Variants in ZC3H18 observed in about 807,000 individuals in gnomAD.
ZC3H18 encodes the protein zinc finger CCCH-type containing 18.
ZC3H18 carries 8 observed loss-of-function variants against 106.1 expected under a neutral mutation model. That is an observed-to-expected ratio of 0.08 (90% CI 0.04 to 0.14). The LOEUF is 0.14. Ranked by LOEUF, ZC3H18 falls within the 10% of genes least tolerant of loss-of-function variation. ZC3H18 has a pLI of 1.00. For synonymous variants in ZC3H18, 635 were observed against 522.1 expected (o/e 1.22, Z -2.95); for missense variants, 1,318 against 1,278.4 (o/e 1.03, Z -0.47).
At chr16:88,598,573 C>G in intron 4 of ZC3H18, 47 bp from the exon 5 acceptor site, 2 of 1,559,432 alleles carry the variant, frequency 1.3e-6, no homozygotes, top group Non-Finnish European at 1.7e-6. Context: ...TCTCTGTACA[C>G]TTGAAAGTTT....
intron 3 of ZC3H18, among the ~76,000 whole-genome samples, chr16:88,590,541 T>C (rs1413219753): frequency 6.8e-6 from 1 of 147,714 alleles, no homozygotes; most frequent in African/African-American, 2.5e-5. Context: ...TTAAACTGTG[T>C]CCCACTTTGG....
In ZC3H18 at chr16:88,624,721, G is replaced by A. The variant is rs1476350566; in HGVS notation, c.2018G>A (p.Arg673Gln). ...GDPREARRKE[R>Q]PARTPPRRRT... ...CCTCGGGAAGCCAGGAGGAAGGAGC[G>A]GCCAGCCAGGACCCCCCCCAGGAGG... Residue 673 changes from arginine (R) to glutamine (Q), a missense_variant, in exon 12 of 18, where the codon CGG (arginine) becomes CAG (glutamine). Arg to Gln is a conservative substitution (Grantham distance 43). Around this residue, in one of 6 missense-constraint regions of ZC3H18, gnomAD observed 848 missense variants for 821.7 expected, o/e 1.03. Transcript: ENST00000301011. 8 of 1,612,736 alleles carry A rather than the reference G, an allele frequency of 5.0e-6. No individual in the cohort carries two copies. The highest frequency in any genetic ancestry group is 2.2e-5 in the East Asian group (1 of 44,866).
At chr16:88,604,881 G>A (rs1269332828) in intron 6 of ZC3H18, among the ~76,000 whole-genome samples, 3 of 152,110 alleles carry the variant, frequency 2.0e-5, no homozygotes, top group Non-Finnish European at 4.4e-5. Flanking sequence ...ATCAGAGTCA[G>A]GCTGTCAGGC....
chr16:88,577,777 CAT>C lies in ZC3H18; in HGVS notation c.603+53_603+54del, dbSNP rs1914857979. On this transcript the variant is annotated intron_variant, in intron 2 of 17. Transcript: ENST00000301011. ...CGGGGCATCCTGCCCAGCAGCCTGA[CAT>C]AGACTGGTGCTGGAAAGGAGGGACT... 5 of 1,610,992 alleles carry C rather than the reference CAT, an allele frequency of 3.1e-6. No homozygotes were observed. In the African/African-American group the frequency reaches 4.0e-5, roughly 13 times the overall value.
At chr16:88,589,187 G>T (rs907352860) in intron 3 of ZC3H18, among the ~76,000 whole-genome samples, 2 of 152,210 alleles carry the variant, frequency 1.3e-5, no homozygotes, top group Admixed American at 6.5e-5. Context: ...TGTTGGCAAG[G>T]ATATGGAGAT....
chr16:88,604,649 G>A (rs1904922771), intron 6 of ZC3H18, among the ~76,000 whole-genome samples: 1 of 152,142 alleles, frequency 6.6e-6, no homozygotes, highest in African/African-American at 2.4e-5. Context: ...TGGCGCCACT[G>A]CACTCCAGCC....
chr16:88,629,888 T>A (rs887734382), intron 16 of ZC3H18, among the ~76,000 whole-genome samples: 6 of 152,210 alleles, frequency 3.9e-5, no homozygotes, highest in Non-Finnish European at 2.9e-5. Flanking sequence ...CCCAAGCAGT[T>A]CTCTGGGTTT....
intron 6 of ZC3H18, among the ~76,000 whole-genome samples, chr16:88,600,443 T>C (rs1904689449): frequency 6.6e-6 from 1 of 152,212 alleles, no homozygotes; most frequent in African/African-American, 2.4e-5. Context: ...GGCAGAGTCT[T>C]GCTCTGTCGC....
chr16:88,624,414 G>T, intron 11 of ZC3H18, 188 bp from the exon 12 acceptor site: 1 of 911,140 alleles, frequency 1.1e-6, no homozygotes, highest in East Asian at 2.7e-5. Flanking sequence ...GGCTGCTGGG[G>T]GCTTTGAAGC....
intron 3 of ZC3H18, among the ~76,000 whole-genome samples, chr16:88,591,239 G>T (rs1374621150): frequency 6.6e-6 from 1 of 151,798 alleles, no homozygotes; most frequent in Non-Finnish European, 1.5e-5. Flanking sequence ...CAAAGTGCTG[G>T]GATTACAGGC....
Position 88,600,559 on chromosome 16 carries a change from G to T in ZC3H18, c.1088+611G>T, listed in dbSNP as rs549502726. 1.2e-4 allele frequency among the ~76,000 whole-genome samples: 19 copies of T among 152,314 alleles called. No individual in the cohort carries two copies. In the South Asian group the frequency reaches 3.3e-3, roughly 27 times the overall value. ...CTCCTGAGTAGCTGGAACTACAGGTGTCTGCTACCACACCCAACTCAGTTT... is the reference window on the plus strand; with the variant it reads ...CTCCTGAGTAGCTGGAACTACAGGTTTCTGCTACCACACCCAACTCAGTTT... On this transcript the variant is annotated intron_variant, in intron 6 of 17. Transcript: ENST00000301011.
At chr16:88,617,118 C>G (rs1158658853) in intron 8 of ZC3H18, among the ~76,000 whole-genome samples, 1 of 152,212 alleles carries the variant, frequency 6.6e-6, no homozygotes, top group Non-Finnish European at 1.5e-5. Flanking sequence ...GGCCAGCCCT[C>G]TGTCCATGGG....
At chr16:88,597,891 C>CA (rs769099129) in intron 3 of ZC3H18, among the ~76,000 whole-genome samples, 5 of 152,346 alleles carry the variant, frequency 3.3e-5, no homozygotes, top group Non-Finnish European at 5.9e-5. Flanking sequence ...AATTAATACT[C>CA]AGACAGTTGA....
intron 2 of ZC3H18, among the ~76,000 whole-genome samples, chr16:88,584,501 AATATT>A (rs1915323056): frequency 6.6e-6 from 1 of 151,938 alleles, no homozygotes; most frequent in African/African-American, 2.4e-5. Context: ...GAAAATTCAC[AATATT>A]ATATTGCTGA....
chr16:88,583,181 G>C (rs1915237006), intron 2 of ZC3H18, among the ~76,000 whole-genome samples: 1 of 152,232 alleles, frequency 6.6e-6, no homozygotes, highest in Non-Finnish European at 1.5e-5. Flanking sequence ...GCTCCAGTGT[G>C]AAATAACTTT....
chr16:88,610,089 C>T (rs974036966), intron 7 of ZC3H18, among the ~76,000 whole-genome samples: 1 of 152,108 alleles, frequency 6.6e-6, no homozygotes, highest in Non-Finnish European at 1.5e-5. Context: ...CACCTCACTG[C>T]TCTCATGGAA....
intron 12 of ZC3H18, 118 bp downstream of exon 12, chr16:88,624,863 C>T: frequency 7.2e-7 from 1 of 1,394,286 alleles, no homozygotes; most frequent in South Asian, 1.5e-5. Flanking sequence ...GGAAGCGCCC[C>T]CTAGCCGAGC....
In ZC3H18 at chr16:88,608,949, A is replaced by C. The variant is rs749073939; in HGVS notation, c.1104A>C (p.Ala368=). 1 of 1,613,410 alleles carries C rather than the reference A, an allele frequency of 6.2e-7. No homozygotes were observed. Among genetic ancestry groups the C allele is most frequent in the South Asian group, 1.1e-5 (1 of 90,990 alleles). Residue 368 remains alanine, a synonymous_variant, in exon 7 of 18, where the codon GCA becomes GCC. Coordinates refer to ENST00000301011, the MANE Select transcript of ZC3H18 (RefSeq NM_144604.4). ...CCCTTTTCAGACTCGAGCCTTACGC[A>C]GACCCTTATTATGACTATGAAATTG... ...DVRDTVLEPY[A]DPYYDYEIER...
At chr16:88,601,671 C>A (rs776131210) in intron 6 of ZC3H18, among the ~76,000 whole-genome samples, 7 of 152,136 alleles carry the variant, frequency 4.6e-5, no homozygotes, top group Non-Finnish European at 7.4e-5. Context: ...ATGTTAAAGT[C>A]TCGGCAGTCA....
Sources: gnomAD v4.1 joint callset for allele counts (sites outside exome capture counted in the v4.1 genomes callset) on GRCh38, gnomAD v4.1.1 for gene constraint, gnomAD v4.1.1 regional missense constraint, MANE v1.5 for transcripts, NCBI Gene and HGNC (gene_info 2026-07-23, HGNC 2026-07-21) for gene names.